Variants in ACSS2 observed in about 807,000 individuals in gnomAD.
The protein encoded by ACSS2 is acyl-CoA synthetase short chain family member 2.
A neutral mutation model predicts 90.6 loss-of-function variants in ACSS2; 58 were observed. The ratio of observed to expected loss-of-function variants is 0.64; its 90% CI spans 0.52 to 0.80. The LOEUF is 0.80. Among genes scored for constraint, ACSS2 ranks in the 30% least tolerant of loss-of-function variants. The pLI is 0.00. For synonymous variants in ACSS2, 300 were observed against 330.9 expected (o/e 0.91, Z 1.01); for missense variants, 759 against 912.0 (o/e 0.83, Z 2.16).
At position 34,903,339 on chromosome 20, in the gene ACSS2, C is replaced by CAA. The variant is rs11476381; in HGVS notation, c.375-9740_375-9739dup. ...CCTGGGTGACAGACTGAGACTCTCT[C>CAA]AAAAAAAAAAAAAAAAAAGATCACA... On this transcript the variant is annotated intron_variant, in intron 2 of 17. Transcript: ENST00000360596. 1.2e-3 allele frequency among the ~76,000 whole-genome samples: 140 copies of CAA among 115,056 alleles called. 1 individual carries two copies. The highest frequency in any genetic ancestry group is 3.9e-3 in the African/African-American group (117 of 30,116). The allele number at this position is 115,056 out of a possible 152,430, so 75.5% of individuals were successfully genotyped here.
chr20:34,908,177 G>T (rs1213367908), intron 2 of ACSS2, among the ~76,000 whole-genome samples: 1 of 152,190 alleles, frequency 6.6e-6, no homozygotes, highest in Non-Finnish European at 1.5e-5. Flanking sequence ...GGAGGAGGGA[G>T]AATATTCTGA....
rs758227933 is a variant in ACSS2, at chr20:34,914,113, G to A, written c.661G>A (p.Glu221Lys). ...LITTDAFYRG[E>K]KLVNLKELAD... ...CCCCAAAGATGCCTTCTACAGGGGG[G>A]AAAAGCTTGTGAACCTGAAGGAGCT... The change falls in exon 6 of 18, where the codon GAA becomes AAA. Residue 221 changes from glutamate to lysine, a missense_variant. Coordinates refer to ENST00000360596, the MANE Select transcript of ACSS2 (RefSeq NM_018677.4). 1 of 1,614,166 alleles carries A rather than the reference G, an allele frequency of 6.2e-7. No individual in the cohort carries two copies. Among genetic ancestry groups the A allele is most frequent in the Admixed American group, 1.7e-5 (1 of 60,020 alleles).
intron 10 of ACSS2, 28 bp downstream of exon 10, chr20:34,921,167 G>A (rs554250952): frequency 6.2e-7 from 1 of 1,614,082 alleles, no homozygotes; most frequent in African/African-American, 1.3e-5. Context: ...TTGCTGCCCT[G>A]TGGGTATCCC....
chr20:34,921,303 T>A, intron 10 of ACSS2, 27 bp from the exon 11 acceptor site: 2 of 1,613,652 alleles, frequency 1.2e-6, no homozygotes, highest in South Asian at 2.2e-5. Context: ...ACTCAGAGCC[T>A]TCCTCTCTCC....
chr20:34,881,017 ATTTTTTT>A (rs71761863), intron 1 of ACSS2, among the ~76,000 whole-genome samples: 5 of 75,530 alleles, frequency 6.6e-5, no homozygotes, highest in East Asian at 3.6e-4. Context: ...TTTCCTCCAA[ATTTTTTT>A]TTTTTTTTTT....
In ACSS2 at chr20:34,913,113, G is replaced by A. The variant is rs746957154; in HGVS notation, c.392G>A (p.Gly131Glu). ...TGTCTCAGGGAGGGCAATGAGCCAG[G>A]GGAGACCACTCAGATCACATACCAT... ...VAFYWEGNEP[G>E]ETTQITYHQL... The change falls in exon 3 of 18, where the codon GGG becomes GAG. Residue 131 changes from glycine (G) to glutamate (E), a missense_variant. By Grantham distance (98) the Gly-to-Glu change is moderately conservative. Transcript: ENST00000360596. 1.9e-6 allele frequency: 3 copies of A among 1,613,946 alleles called. No homozygotes were observed. The East Asian group carries it at 6.7e-5, about 36-fold the overall frequency.
chr20:34,906,600 T>C (rs531052852), intron 2 of ACSS2, among the ~76,000 whole-genome samples: 2 of 152,220 alleles, frequency 1.3e-5, no homozygotes, highest in African/African-American at 4.8e-5. Flanking sequence ...TGTACTTGCA[T>C]AGGTTGTGCT....
chr20:34,887,895 A>T (rs2080237887), intron 2 of ACSS2, among the ~76,000 whole-genome samples: 1 of 151,060 alleles, frequency 6.6e-6, no homozygotes, highest in Non-Finnish European at 1.5e-5. Flanking sequence ...ACAAGACGAA[A>T]CCCCATCTCT....
Position 34,926,866 on chromosome 20 carries a change from G to A in ACSS2, c.1904-11G>A. Reference sequence around the variant, plus strand: ...GTGCTGAAGAAATGCTTGATGATTTGTTGGTTACAGTTAGAGAAAAGATTG... The same window carrying A: ...GTGCTGAAGAAATGCTTGATGATTTATTGGTTACAGTTAGAGAAAAGATTG... On this transcript the variant is annotated splice_polypyrimidine_tract_variant and intron_variant, in intron 16 of 17. Coordinates refer to ENST00000360596, the MANE Select transcript of ACSS2 (RefSeq NM_018677.4). 1 of 1,614,068 alleles carries A rather than the reference G, an allele frequency of 6.2e-7. No individual in the cohort carries two copies. Among genetic ancestry groups the A allele is most frequent in the Non-Finnish European group, 8.5e-7 (1 of 1,179,946 alleles).
At chr20:34,919,332 C>T in intron 7 of ACSS2, 103 bp from the exon 8 acceptor site, 1 of 1,542,828 alleles carries the variant, frequency 6.5e-7, no homozygotes. Context: ...CCTTCCTGTA[C>T]TCCTACCTGC....
intron 2 of ACSS2, among the ~76,000 whole-genome samples, chr20:34,886,459 A>G (rs963538047): frequency 3.9e-5 from 6 of 151,954 alleles, no homozygotes; most frequent in African/African-American, 1.5e-4. Flanking sequence ...TCTCTACTAA[A>G]AATACAAAAA....
Position 34,925,763 on chromosome 20 carries a change from T to C in ACSS2, c.1723T>C (p.Ser575Pro). Residue 575 changes from serine (S) to proline (P), a missense_variant, in exon 15 of 18, where the codon TCT becomes CCT. Coordinates refer to ENST00000360596, the MANE Select transcript of ACSS2 (RefSeq NM_018677.4). The part of the protein sequence containing the change: ...TGRIDDMLNV[S>P]GHLLSTAEVE... ...CAGGATTGATGACATGCTCAATGTATCTGGTGAGGGCCAGGGGCCACCTTC... is the reference window on the plus strand; with the variant it reads ...CAGGATTGATGACATGCTCAATGTACCTGGTGAGGGCCAGGGGCCACCTTC... 6.2e-7 allele frequency: 1 copy of C among 1,613,012 alleles called. No homozygotes were observed. Among genetic ancestry groups the C allele is most frequent in the Non-Finnish European group, 8.5e-7 (1 of 1,179,632 alleles).
intron 2 of ACSS2, among the ~76,000 whole-genome samples, chr20:34,886,065 T>C (rs1303859920): frequency 2.6e-5 from 4 of 152,176 alleles, no homozygotes; most frequent in Non-Finnish European, 5.9e-5. Context: ...GCCGGATATG[T>C]GGTTACATCC....
intron 4 of ACSS2, 59 bp downstream of exon 4, chr20:34,913,555 G>A (rs2147076592): frequency 1.3e-6 from 2 of 1,527,538 alleles, no homozygotes; most frequent in East Asian, 2.3e-5. Context: ...GGAGAAGTAG[G>A]TTGGGCCTAG....
intron 1 of ACSS2, among the ~76,000 whole-genome samples, chr20:34,882,398 C>T (rs183341224): frequency 3.9e-5 from 6 of 151,954 alleles, no homozygotes; most frequent in Non-Finnish European, 7.4e-5. Flanking sequence ...CCGAGGCGGG[C>T]GGATCACGAG....
intron 3 of ACSS2, 35 bp from the exon 4 acceptor site, chr20:34,913,358 G>A (rs2081005512): frequency 6.2e-7 from 1 of 1,602,536 alleles, no homozygotes; most frequent in Non-Finnish European, 8.5e-7. Context: ...CAGCAAGAAG[G>A]GTTCATGGTT....
rs1049574776 is a variant in ACSS2 at position 34,921,816 on chromosome 20, A to G, written c.1498A>G (p.Ile500Val). The G allele has an allele frequency of 1.2e-6, 2 of 1,614,070 alleles. No homozygotes were observed. The change falls in exon 13 of 18, where the codon ATC becomes GTC. Residue 500 changes from isoleucine (I) to valine (V), a missense_variant. Transcript: ENST00000360596. ...TFPFFGVAPA[I>V]LNESGEELEG... is the part of the protein sequence containing the mutation. ...CCCATTCTTTGGTGTAGCTCCTGCA[A>G]TCCTGAATGAGTCCGGGGAAGAGTT... is the stretch of plus-strand genomic sequence containing the variant.
chr20:34,901,702 C>T (rs1447590700), intron 2 of ACSS2, among the ~76,000 whole-genome samples: 1 of 152,160 alleles, frequency 6.6e-6, no homozygotes, highest in African/African-American at 2.4e-5. Flanking sequence ...TAAAGGTCAT[C>T]TCAAACTTCA....
intron 2 of ACSS2, among the ~76,000 whole-genome samples, chr20:34,883,733 A>C (rs2080123611): frequency 6.6e-6 from 1 of 152,218 alleles, no homozygotes; most frequent in South Asian, 2.1e-4. Flanking sequence ...TTCAAATTCA[A>C]GTCTGCCTGA....
Sources: allele counts gnomAD v4.1 joint callset (sites outside exome capture counted in the v4.1 genomes callset), GRCh38; gene constraint gnomAD v4.1.1; transcripts MANE v1.5; gene names NCBI Gene and HGNC (gene_info 2026-07-23, HGNC 2026-07-21).